The following CTNNA2 variants were observed in gnomAD, a reference collection of about 807,000 sequenced individuals.
CTNNA2 encodes the protein catenin alpha-2.
Under a neutral mutation model 101.0 loss-of-function variants are expected in CTNNA2, and 42 were observed. The observed-to-expected ratio is 0.42, with a 90% CI of 0.32 to 0.54. The LOEUF is 0.54. CTNNA2 is among the 20% of genes least tolerant of loss of function. CTNNA2 has a pLI of 0.14. For missense variants in CTNNA2, 871 were observed against 1,223.1 expected (o/e 0.71, Z 4.29); for synonymous variants, 450 against 456.4 (o/e 0.99, Z 0.18).
chr2:80,573,130 T>C (rs773115454), intron 12 of CTNNA2: 2 of 152,254 alleles, frequency 1.3e-5, no homozygotes, highest in African/African-American at 2.4e-5. Context: ...ATGATGTTTC[T>C]ATTTTATCAT....
chr2:79,926,777 G>A (rs1687049281), intron 7 of CTNNA2, among the ~76,000 whole-genome samples: 1 of 151,694 alleles, frequency 6.6e-6, no homozygotes, highest in South Asian at 2.1e-4. Context: ...TGTTTTGGGA[G>A]TTATACTAGA....
rs189891399 is a variant in CTNNA2 at position 79,503,051 on chromosome 2, C to T, written c.-134-2003C>T. ...TAACAGCAGAGGTCCAGCTCATATC[C>T]CGATATGGCACTATTCCTTGGGGAG... On this transcript the variant is annotated intron_variant, in intron 4 of 21. Coordinates refer to the CTNNA2 transcript ENST00000466387. 4.6e-5 allele frequency among the ~76,000 whole-genome samples: 7 copies of T among 152,238 alleles called. No homozygotes were observed. The East Asian group carries it at 1.4e-3, about 29-fold the overall frequency.
At chr2:79,710,298 A>G (rs532503936) in intron 2 of CTNNA2, among the ~76,000 whole-genome samples, 1 of 152,304 alleles carries the variant, frequency 6.6e-6, no homozygotes, top group Admixed American at 6.5e-5. Context: ...TATCCACGTT[A>G]CAACTAATGA....
chr2:80,490,280 A>ACCCCCCC (rs138977108), intron 9 of CTNNA2, among the ~76,000 whole-genome samples: 1 of 55,766 alleles, frequency 1.8e-5, no homozygotes, highest in Non-Finnish European at 3.5e-5. Context: ...TTCCCCCCCC[A>ACCCCCCC]CCCCCCCCCC....
intron 3 of CTNNA2, among the ~76,000 whole-genome samples, chr2:79,752,062 G>A (rs1250533880): frequency 1.3e-5 from 2 of 152,154 alleles, no homozygotes; most frequent in African/African-American, 4.8e-5. Flanking sequence ...AGGGGCAGGG[G>A]AGAGTGTACG....
At chr2:79,593,002 A>G (rs1676959180) in intron 1 of CTNNA2, among the ~76,000 whole-genome samples, 1 of 152,244 alleles carries the variant, frequency 6.6e-6, no homozygotes, top group Non-Finnish European at 1.5e-5. Context: ...AGCTACGCAT[A>G]GTTTTCCGTC....
intron 7 of CTNNA2, among the ~76,000 whole-genome samples, chr2:79,983,223 C>A (rs1255849595): frequency 6.7e-6 from 1 of 148,962 alleles, no homozygotes; most frequent in Non-Finnish European, 1.5e-5. Context: ...ACAACATATC[C>A]ATATTAATAT....
At chr2:80,168,998 C>T (rs1320274405) in intron 7 of CTNNA2, among the ~76,000 whole-genome samples, 1 of 152,212 alleles carries the variant, frequency 6.6e-6, no homozygotes, top group East Asian at 1.9e-4. Context: ...ACTTTGGCCT[C>T]CCCTGGCTGG....
At chr2:80,384,265 T>C (rs1217168645) in intron 7 of CTNNA2, among the ~76,000 whole-genome samples, 2 of 152,074 alleles carry the variant, frequency 1.3e-5, no homozygotes, top group Non-Finnish European at 2.9e-5. Context: ...GGTGAACTTA[T>C]GTCACAAAAT....
At chr2:79,464,491 A>G (rs538732135) in intron 4 of CTNNA2, among the ~76,000 whole-genome samples, 1 of 152,206 alleles carries the variant, frequency 6.6e-6, no homozygotes, top group Non-Finnish European at 1.5e-5. Flanking sequence ...TCCTTTGGGT[A>G]TATACCCAGT....
At chr2:79,223,157 C>T (rs796961935) in intron 2 of CTNNA2, among the ~76,000 whole-genome samples, 7 of 152,134 alleles carry the variant, frequency 4.6e-5, no homozygotes, top group African/African-American at 1.7e-4. Flanking sequence ...GAGATCCCAT[C>T]TCTAAAATAA....
intron 12 of CTNNA2, among the ~76,000 whole-genome samples, chr2:80,569,246 T>C (rs1694339961): frequency 6.6e-6 from 1 of 152,160 alleles, no homozygotes; most frequent in Admixed American, 6.5e-5. Context: ...GCGACCTTGA[T>C]TTTTATATGC....
At chr2:80,175,383 C>A (rs910549441) in intron 7 of CTNNA2, among the ~76,000 whole-genome samples, 3 of 152,108 alleles carry the variant, frequency 2.0e-5, no homozygotes, top group African/African-American at 7.2e-5. Context: ...TGGCAGGATA[C>A]GCATTAATAA....
chr2:80,176,815 GC>G (rs1705424951), intron 7 of CTNNA2, among the ~76,000 whole-genome samples: 1 of 152,086 alleles, frequency 6.6e-6, no homozygotes, highest in African/African-American at 2.4e-5. Flanking sequence ...TTCCTTTGTT[GC>G]CTGTTGACTT....
intron 18 of CTNNA2, among the ~76,000 whole-genome samples, chr2:80,619,962 C>T (rs1427648076): frequency 6.6e-6 from 1 of 151,744 alleles, no homozygotes; most frequent in Non-Finnish European, 1.5e-5. Flanking sequence ...TTTTATATGC[C>T]TTAGTATTTA....
chr2:79,564,294 T>A lies in CTNNA2; in HGVS notation c.-6+51087T>A, dbSNP rs146908720. On this transcript the variant is annotated intron_variant, in intron 1 of 18. Transcript: ENST00000402739. Reference sequence around the variant, plus strand: ...TAAAATTTAAATTAATATTATTTTTTAAAGTATATTATATATTTTTGAAAT... The same window carrying A: ...TAAAATTTAAATTAATATTATTTTTAAAAGTATATTATATATTTTTGAAAT... 7.9e-3 allele frequency among the ~76,000 whole-genome samples: 1,187 copies of A among 151,038 alleles called. 67 individuals are homozygous for A. The East Asian group carries it at 0.14, about 17-fold the overall frequency.
intron 4 of CTNNA2, among the ~76,000 whole-genome samples, chr2:79,399,868 G>A (rs1027844607): frequency 1.3e-5 from 2 of 151,954 alleles, no homozygotes; most frequent in Admixed American, 6.6e-5. Flanking sequence ...AGTAAAGGAT[G>A]AGAATGATTC....
At chr2:79,809,297 A>G (rs1156465509) in intron 3 of CTNNA2, among the ~76,000 whole-genome samples, 1 of 152,222 alleles carries the variant, frequency 6.6e-6, no homozygotes, top group Non-Finnish European at 1.5e-5. Context: ...TCCTTTGGGT[A>G]TACACCCAGT....
At chr2:80,074,214 C>G (rs971541819) in intron 7 of CTNNA2, among the ~76,000 whole-genome samples, 18 of 151,828 alleles carry the variant, frequency 1.2e-4, no homozygotes. Context: ...AGTCAAAAAA[C>G]AACTGTGCTC....
Sources: allele counts gnomAD v4.1 joint callset (sites outside exome capture counted in the v4.1 genomes callset), GRCh38; gene constraint gnomAD v4.1.1; transcripts MANE v1.5; gene names NCBI Gene and HGNC (gene_info 2026-07-23, HGNC 2026-07-21).